The following RANBP17 variants were observed in gnomAD, a reference collection of about 807,000 sequenced individuals.
RANBP17 encodes the protein RAN binding protein 17.
A neutral mutation model predicts 141.2 loss-of-function variants in RANBP17; 158 were observed. The ratio of observed to expected loss-of-function variants is 1.12; its 90% CI spans 0.98 to 1.28. The LOEUF (loss-of-function observed/expected upper bound fraction) is 1.28. Ranked by LOEUF, RANBP17 falls within the 50% of genes most tolerant of loss-of-function variation. The pLI, the probability that RANBP17 is intolerant of heterozygous loss-of-function variation, is 0.00. For synonymous variants in RANBP17, 430 were observed against 450.0 expected (o/e 0.96, Z 0.56); for missense variants, 1,438 against 1,290.7 (o/e 1.11, Z -1.75).
At chr5:171,197,401 A>T in intron 18 of RANBP17, among the ~76,000 whole-genome samples, 1 of 152,310 alleles carries the variant, frequency 6.6e-6, no homozygotes, top group Non-Finnish European at 1.5e-5. Flanking sequence ...TTTATAGATG[A>T]GGAAACTGAG....
intron 14 of RANBP17, among the ~76,000 whole-genome samples, chr5:170,982,142 C>T (rs11746858): frequency 0.61 from 93,075 of 151,916 alleles, 29,892 homozygotes; most frequent in South Asian, 0.89. Flanking sequence ...AACTGTTAGC[C>T]AGGGTTAAAA....
At chr5:170,883,594 T>TAGAG (rs1392791500) in intron 3 of RANBP17, among the ~76,000 whole-genome samples, 1 of 152,228 alleles carries the variant, frequency 6.6e-6, no homozygotes, top group East Asian at 1.9e-4. Flanking sequence ...CGCTCTTCTC[T>TAGAG]GCCTATTCAT....
chr5:171,289,688 A>T (rs1581190929), intron 25 of RANBP17, among the ~76,000 whole-genome samples: 1 of 152,086 alleles, frequency 6.6e-6, no homozygotes, highest in East Asian at 1.9e-4. Context: ...GTGAGCCATG[A>T]TCACACCACT....
intron 12 of RANBP17, among the ~76,000 whole-genome samples, chr5:170,933,214 A>G (rs1773551468): frequency 6.6e-6 from 1 of 152,252 alleles, no homozygotes; most frequent in African/African-American, 2.4e-5. Flanking sequence ...TGTTTATAGT[A>G]TTCTCTGATG....
chr5:171,175,066 C>T (rs963039674), intron 16 of RANBP17, among the ~76,000 whole-genome samples: 1 of 151,908 alleles, frequency 6.6e-6, no homozygotes, highest in African/African-American at 2.4e-5. Context: ...TTTTCTGTCC[C>T]GTGTTAGTTT....
intron 21 of RANBP17, among the ~76,000 whole-genome samples, chr5:171,216,099 C>G (rs1763202489): frequency 6.6e-6 from 1 of 151,530 alleles, no homozygotes; most frequent in African/African-American, 2.4e-5. Flanking sequence ...GTAAGGGGTC[C>G]AGTTTCAGTT....
intron 25 of RANBP17, among the ~76,000 whole-genome samples, chr5:171,290,428 G>A (rs1181214978): frequency 2.0e-5 from 3 of 152,050 alleles, no homozygotes; most frequent in Non-Finnish European, 4.4e-5. Flanking sequence ...GGGTAGGAAA[G>A]TCCAATTTGC....
At chr5:171,074,813 C>A (rs1029992848) in intron 14 of RANBP17, among the ~76,000 whole-genome samples, 1 of 151,986 alleles carries the variant, frequency 6.6e-6, no homozygotes, top group Non-Finnish European at 1.5e-5. Context: ...TATATCAATA[C>A]CTGAAAAAGC....
intron 14 of RANBP17, among the ~76,000 whole-genome samples, chr5:171,162,278 G>A (rs1327544476): frequency 6.6e-6 from 1 of 152,144 alleles, no homozygotes; most frequent in Middle Eastern, 3.2e-3. Flanking sequence ...CAGGACAAAT[G>A]TACACTCTCC....
At chr5:171,195,496 C>T (rs867943734) in intron 18 of RANBP17, among the ~76,000 whole-genome samples, 10 of 152,202 alleles carry the variant, frequency 6.6e-5, no homozygotes, top group Non-Finnish European at 1.0e-4. Flanking sequence ...AAAACGTAAA[C>T]ATTTCTATAG....
At chr5:171,075,143 A>T (rs992200874) in intron 14 of RANBP17, among the ~76,000 whole-genome samples, 2 of 152,254 alleles carry the variant, frequency 1.3e-5, no homozygotes, top group African/African-American at 4.8e-5. Context: ...AAATGTTAAT[A>T]ACTTGCCAAA....
At chr5:171,120,842 A>G (rs1338059292) in intron 14 of RANBP17, among the ~76,000 whole-genome samples, 1 of 152,174 alleles carries the variant, frequency 6.6e-6, no homozygotes. Context: ...TGCCTCTTCC[A>G]ATTTTATTAA....
At chr5:171,075,293 A>G (rs930081278) in intron 14 of RANBP17, among the ~76,000 whole-genome samples, 3 of 152,248 alleles carry the variant, frequency 2.0e-5, no homozygotes, top group African/African-American at 7.2e-5. Context: ...ATTAAATGAC[A>G]TAGATTTACA....
intron 14 of RANBP17, among the ~76,000 whole-genome samples, chr5:171,065,058 AC>A (rs78954294): frequency 0.014 from 2,081 of 151,924 alleles, 61 homozygotes; most frequent in East Asian, 0.078. Flanking sequence ...ATAGTTAGGA[AC>A]CCTTTCCTTA....
chr5:171,159,153 T>C (rs897265167), intron 14 of RANBP17, among the ~76,000 whole-genome samples: 1 of 152,226 alleles, frequency 6.6e-6, no homozygotes, highest in African/African-American at 2.4e-5. Flanking sequence ...AAAGCTTGTT[T>C]AGTGGCAGGC....
intron 14 of RANBP17, among the ~76,000 whole-genome samples, chr5:171,057,692 G>T (rs1041004182): frequency 6.6e-6 from 1 of 152,004 alleles, no homozygotes; most frequent in Non-Finnish European, 1.5e-5. Context: ...TTCTGTTGCT[G>T]GGGAGGCCTC....
At chr5:171,139,265 T>C (rs1355494714) in intron 14 of RANBP17, among the ~76,000 whole-genome samples, 1 of 152,154 alleles carries the variant, frequency 6.6e-6, no homozygotes, top group Non-Finnish European at 1.5e-5. Flanking sequence ...CAGATTAGAA[T>C]TCTTTTCTTA....
At chr5:171,136,654 C>T (rs1338381547) in intron 14 of RANBP17, among the ~76,000 whole-genome samples, 4 of 152,062 alleles carry the variant, frequency 2.6e-5, no homozygotes, top group Non-Finnish European at 5.9e-5. Flanking sequence ...TCTCTTATTT[C>T]TAATTATAGT....
Position 171,205,540 on chromosome 5 carries a change from T to C in RANBP17, c.2159T>C (p.Leu720Pro). 6.2e-7 allele frequency: 1 copy of C among 1,613,948 alleles called. No homozygotes were observed. Among genetic ancestry groups the C allele is most frequent in the Non-Finnish European group, 8.5e-7 (1 of 1,179,872 alleles). Residue 720 changes from leucine to proline, a missense_variant, in exon 20 of 28, where the codon CTG becomes CCG. By Grantham distance (98) the Leu-to-Pro change is moderately conservative. Transcript: ENST00000523189. ...CACTGACAGCGTATGTTGATCGGGCTGGCAAGAGATCTTCGAGGGATTGCC... is the reference window on the plus strand; with the variant it reads ...CACTGACAGCGTATGTTGATCGGGCCGGCAAGAGATCTTCGAGGGATTGCC... The part of the protein sequence containing the change: ...QEDVKRMLIG[L>P]ARDLRGIAFA...
Sources: gnomAD v4.1 joint callset for allele counts (sites outside exome capture counted in the v4.1 genomes callset) on GRCh38, gnomAD v4.1.1 for gene constraint, MANE v1.5 for transcripts, NCBI Gene and HGNC (gene_info 2026-07-23, HGNC 2026-07-21) for gene names.